The following SASH1 variants were observed in gnomAD, a reference collection of about 807,000 sequenced individuals.
SASH1 encodes the protein SAM and SH3 domain containing 1, also known as SAM and SH3 domain-containing protein 1.
Under a neutral mutation model 125.2 loss-of-function variants are expected in SASH1, and 44 were observed. That is an observed-to-expected ratio of 0.35 (90% CI 0.28 to 0.45). SASH1 has a LOEUF of 0.45. SASH1 is among the 20% of genes least tolerant of loss of function. SASH1 has a pLI of 1.00. For synonymous variants in SASH1, 639 were observed against 649.1 expected, an observed-to-expected ratio of 0.98 and a Z score of 0.24; for missense variants, 1,426 against 1,614.5, an observed-to-expected ratio of 0.88 and a Z score of 2.00.
At chr6:148,385,787 C>T (rs1263229220) in intron 1 of SASH1, among the ~76,000 whole-genome samples, 2 of 152,148 alleles carry the variant, frequency 1.3e-5, no homozygotes, top group Non-Finnish European at 2.9e-5. Context: ...GGAAAGGGCA[C>T]GGAAGCTCCG....
intron 1 of SASH1, among the ~76,000 whole-genome samples, chr6:148,363,546 G>A (rs9403950): frequency 0.069 from 10,424 of 151,852 alleles, 445 homozygotes; most frequent in East Asian, 0.15. Context: ...GATTACAGGC[G>A]CCCGCCACCA....
intron 1 of SASH1, among the ~76,000 whole-genome samples, chr6:148,374,738 C>G (rs1050448351): frequency 4.6e-5 from 7 of 151,942 alleles, no homozygotes; most frequent in African/African-American, 1.7e-4. Context: ...ACTCTTGTCA[C>G]CCAGGCTGGA....
chr6:148,242,698 A>G, the SASH1 span, among the ~76,000 whole-genome samples: 1 of 152,182 alleles, frequency 6.6e-6, no homozygotes, highest in African/African-American at 2.4e-5. Flanking sequence ...TAACAAATAC[A>G]TATCGCAATT....
intron 1 of SASH1, among the ~76,000 whole-genome samples, chr6:148,304,127 AC>A (rs1780053094): frequency 6.6e-6 from 1 of 151,936 alleles, no homozygotes; most frequent in Non-Finnish European, 1.5e-5. Context: ...AGATGGTGAA[AC>A]CCTGTCTCTG....
rs1780959040 is a variant in SASH1, at chr6:148,330,441, T to C, written n.74+58064T>C. Among the ~76,000 whole-genome samples, 11 of 152,350 alleles carry C rather than the reference T, an allele frequency of 7.2e-5. 1 individual carries two copies. In the South Asian group the frequency reaches 1.0e-3, roughly 14 times the overall value. On this transcript the variant is annotated intron_variant and non_coding_transcript_variant, in intron 1 of 3. Transcript: ENST00000367469. The stretch of plus-strand genomic sequence containing the variant: ...AGAGACAGCCAAGTGGACATTCTCA[T>C]AGGGTAAAGTTTATTAGAAGACAAG...
At chr6:148,501,379 C>A (rs1255718493) in intron 8 of SASH1, among the ~76,000 whole-genome samples, 1 of 152,150 alleles carries the variant, frequency 6.6e-6, no homozygotes, top group Non-Finnish European at 1.5e-5. Flanking sequence ...CAGAAACTAG[C>A]GCCTTAAATG....
intron 1 of SASH1, among the ~76,000 whole-genome samples, chr6:148,298,200 A>G (rs1177376021): frequency 6.6e-6 from 1 of 151,768 alleles, no homozygotes; most frequent in Non-Finnish European, 1.5e-5. Flanking sequence ...TCCAGTGGAG[A>G]TGGGGTGTCA....
chr6:148,382,944 A>G (rs1783204515), intron 1 of SASH1, among the ~76,000 whole-genome samples: 1 of 152,208 alleles, frequency 6.6e-6, no homozygotes, highest in African/African-American at 2.4e-5. Context: ...ATGTCGTTAC[A>G]CGTTAAAACT....
chr6:148,297,258 GA>G (rs1354654417), intron 1 of SASH1, among the ~76,000 whole-genome samples: 13 of 152,326 alleles, frequency 8.5e-5, no homozygotes, highest in Admixed American at 3.3e-4. Context: ...CGTCACTGGG[GA>G]AGTCATTTTC....
chr6:148,201,851 A>C, the SASH1 span, among the ~76,000 whole-genome samples: 1 of 152,220 alleles, frequency 6.6e-6, no homozygotes, highest in African/African-American at 2.4e-5. Context: ...GTGCTTGAAC[A>C]TAAAGGGTGG....
chr6:148,426,875 G>A (rs1007687047), intron 2 of SASH1, among the ~76,000 whole-genome samples: 3 of 152,192 alleles, frequency 2.0e-5, no homozygotes, highest in Non-Finnish European at 4.4e-5. Flanking sequence ...TGGCTCACAC[G>A]GGTAATCCCA....
chr6:148,534,690 G>A lies in SASH1; in HGVS notation c.1945-61G>A. 1.9e-6 allele frequency: 3 copies of A among 1,544,044 alleles called. No homozygotes were observed. The South Asian group carries it at 3.4e-5, about 17-fold the overall frequency. On this transcript the variant is annotated intron_variant, in intron 15 of 19. Transcript: ENST00000367467. ...TGTGTGGGTTGCAGGCTAGTTGTTG[G>A]CGGTGTTATCATGTGTCTGGGCTGG...
In SASH1 at chr6:148,440,465, T is replaced by C. The variant is rs1583163620; in HGVS notation, c.386+58T>C. On this transcript the variant is annotated intron_variant, in intron 4 of 19. Transcript: ENST00000367467. ...TCCAAGAAGGTGTCTTTTAGGTCCA[T>C]GCTGACGGAAATCAAACAGGCGATC... The C allele has an allele frequency of 5.5e-6, 8 of 1,462,500 alleles. No homozygotes were observed. In the East Asian group the frequency reaches 1.8e-4, roughly 33 times the overall value. The allele number at this position is 1,462,500 out of a possible 1,614,324, so 90.6% of individuals were successfully genotyped here. A position where few individuals can be genotyped will look rare whatever the true frequency, so the allele number is the denominator to read the frequency against.
At chr6:148,486,361 T>C (rs891724650) in intron 7 of SASH1, among the ~76,000 whole-genome samples, 1 of 152,184 alleles carries the variant, frequency 6.6e-6, no homozygotes, top group Admixed American at 6.5e-5. Flanking sequence ...CCTCAGGTGA[T>C]CCACCTCTCT....
chr6:148,296,108 G>GT (rs1423992364), intron 1 of SASH1, among the ~76,000 whole-genome samples: 1 of 136,554 alleles, frequency 7.3e-6, no homozygotes, highest in Non-Finnish European at 1.6e-5. Flanking sequence ...TGTGGGTTTT[G>GT]TTTTTTGTTG....
At chr6:148,484,554 G>GTTT (rs548327355) in intron 7 of SASH1, among the ~76,000 whole-genome samples, 22 of 144,988 alleles carry the variant, frequency 1.5e-4, no homozygotes, top group Non-Finnish European at 2.4e-4. Flanking sequence ...AATTACATGG[G>GTTT]TTTTTTTTTT....
chr6:148,533,619 T>A lies in SASH1; in HGVS notation c.1735-152T>A. On this transcript the variant is annotated intron_variant, in intron 14 of 19. Transcript: ENST00000367467. The surrounding 1 kb of genome is among the most constrained non-coding windows in gnomAD (Gnocchi z 6.2). ...CTCTGCGGAGCTCACAGTCACATCCTATGCAGGTCACTCAGAGGGGTGACT... is the reference window on the plus strand; with the variant it reads ...CTCTGCGGAGCTCACAGTCACATCCAATGCAGGTCACTCAGAGGGGTGACT... 7.0e-6 allele frequency: 5 copies of A among 714,462 alleles called. No individual in the cohort carries two copies. The highest frequency in any genetic ancestry group is 1.2e-5 in the Non-Finnish European group (5 of 413,674). 44.3% of individuals were successfully genotyped at this position (714,462 alleles called of 1,614,324 possible).
intron 8 of SASH1, among the ~76,000 whole-genome samples, chr6:148,489,850 CTGTGTGTGTGTGTG>C (rs151183028): frequency 2.2e-5 from 3 of 136,570 alleles, no homozygotes; most frequent in Admixed American, 2.2e-4. Flanking sequence ...GCTATATAGG[CTGTGTGTGTGTGTG>C]TGTGTGTGTG....
At chr6:148,229,336 T>C in the SASH1 span, among the ~76,000 whole-genome samples, 5 of 152,118 alleles carry the variant, frequency 3.3e-5, no homozygotes, top group African/African-American at 9.7e-5. Flanking sequence ...ACATGTGACA[T>C]GTCTACCCTA....
Sources: gnomAD v4.1 joint callset for allele counts (sites outside exome capture counted in the v4.1 genomes callset) on GRCh38, gnomAD v4.1.1 for gene constraint, Gnocchi (gnomAD v3.1) non-coding constraint, MANE v1.5 for transcripts, NCBI Gene and HGNC (gene_info 2026-07-23, HGNC 2026-07-21) for gene names.